Variants in TEAD1 observed in about 807,000 individuals in gnomAD.
TEAD1 encodes TEA domain transcription factor 1, also known as transcriptional enhancer factor TEF-1.
TEAD1 carries 9 observed loss-of-function variants against 54.9 expected under a neutral mutation model. That is an observed-to-expected ratio of 0.16 (90% CI 0.10 to 0.29). TEAD1 has a LOEUF of 0.29. Among genes scored for constraint, TEAD1 ranks in the 10% least tolerant of loss-of-function variants. TEAD1 has a pLI of 1.00. For missense variants in TEAD1, 387 were observed against 535.9 expected (o/e 0.72, Z 2.74); for synonymous variants, 200 against 187.8 (o/e 1.07, Z -0.53).
intron 9 of TEAD1, among the ~76,000 whole-genome samples, chr11:12,885,443 T>A (rs1210415605): frequency 6.6e-6 from 1 of 152,040 alleles, no homozygotes; most frequent in African/African-American, 2.4e-5. Flanking sequence ...TTCACCGTGT[T>A]AGCCAGGGTG....
chr11:12,859,001 CAT>C (rs1189194587), intron 3 of TEAD1, among the ~76,000 whole-genome samples: 1 of 152,142 alleles, frequency 6.6e-6, no homozygotes, highest in African/African-American at 2.4e-5. Context: ...ATAATCTAAA[CAT>C]AGAAAAGACA....
chr11:12,932,280 C>T (rs571466053), intron 12 of TEAD1, among the ~76,000 whole-genome samples: 1 of 152,248 alleles, frequency 6.6e-6, no homozygotes, highest in African/African-American at 2.4e-5. Flanking sequence ...ATAGGTGCTT[C>T]CTGTTGCTAT....
intron 2 of TEAD1, among the ~76,000 whole-genome samples, chr11:12,680,331 C>T (rs1943190940): frequency 1.3e-5 from 2 of 152,244 alleles, no homozygotes; most frequent in Admixed American, 6.5e-5. Context: ...TTAGATGGGC[C>T]TTCCGACTTT....
chr11:12,740,344 ATTATTGCTAGTGTAATG>A (rs1278526250), intron 2 of TEAD1, among the ~76,000 whole-genome samples: 3 of 152,344 alleles, frequency 2.0e-5, no homozygotes, highest in African/African-American at 4.8e-5. Context: ...ACTGTGATTG[ATTATTGCTAGTGTAATG>A]TTATTGCTAG....
At chr11:12,794,307 T>G (rs1458600235) in intron 3 of TEAD1, among the ~76,000 whole-genome samples, 1 of 152,246 alleles carries the variant, frequency 6.6e-6, no homozygotes, top group African/African-American at 2.4e-5. Context: ...CTATCCTCAT[T>G]AGCGTGATAG....
Position 12,944,441 on chromosome 11 carries a change from T to C in TEAD1, c.*7219T>C, listed in dbSNP as rs971721540. The C allele has an allele frequency of 6.6e-6, 1 of 152,208 alleles. No individual in the cohort carries two copies. Among genetic ancestry groups the C allele is most frequent in the African/African-American group, 2.4e-5 (1 of 41,234 alleles). The allele number at this position is 152,208 out of a possible 1,614,324, so 9.4% of individuals were successfully genotyped here. ...TTTAGTATGATAGTTATATGAAAATTATAGGATTTGTGTGCAGAGAATTTT... is the reference window on the plus strand; with the variant it reads ...TTTAGTATGATAGTTATATGAAAATCATAGGATTTGTGTGCAGAGAATTTT... On this transcript the variant is annotated 3_prime_UTR_variant, in exon 13 of 13. Transcript: ENST00000527636.
rs1049080306 is a variant in TEAD1 at position 12,941,021 on chromosome 11, A to G, written c.*3799A>G. The stretch of plus-strand genomic sequence containing the variant: ...CATGTTTAGAGTCACCCAGCTGGTT[A>G]GTGACAGAAAAAGCGTGAGAGTTGT... On this transcript the variant is annotated 3_prime_UTR_variant, in exon 13 of 13. Coordinates refer to ENST00000527636, the MANE Select transcript of TEAD1 (RefSeq NM_021961.6). 1 of 152,218 alleles carries G rather than the reference A, an allele frequency of 6.6e-6. No individual in the cohort carries two copies. Among genetic ancestry groups the G allele is most frequent in the Non-Finnish European group, 1.5e-5 (1 of 68,070 alleles). The allele number at this position is 152,218 out of a possible 1,614,324, so 9.4% of individuals were successfully genotyped here. A position where few individuals can be genotyped will look rare whatever the true frequency, so the allele number is the denominator to read the frequency against.
chr11:12,826,997 G>T (rs948109086), intron 3 of TEAD1, among the ~76,000 whole-genome samples: 6 of 152,194 alleles, frequency 3.9e-5, no homozygotes, highest in African/African-American at 9.6e-5. Flanking sequence ...AAGGGCAATA[G>T]GGAATTCCTC....
intron 3 of TEAD1, among the ~76,000 whole-genome samples, chr11:12,825,139 G>A (rs1380599379): frequency 6.6e-6 from 1 of 152,144 alleles, no homozygotes. Context: ...AGCTTGGGTG[G>A]ACTGCTTCTT....
intron 3 of TEAD1, among the ~76,000 whole-genome samples, chr11:12,846,151 C>T (rs1476093628): frequency 6.6e-6 from 1 of 152,154 alleles, no homozygotes; most frequent in Non-Finnish European, 1.5e-5. Context: ...ATTGAAAATC[C>T]CCAGATGCTG....
intron 3 of TEAD1, among the ~76,000 whole-genome samples, chr11:12,834,736 AC>A (rs1946849980): frequency 1.6e-5 from 1 of 60,728 alleles, no homozygotes. Flanking sequence ...TATTGGGATT[AC>A]AGAGGTTCAC....
chr11:12,930,035 A>T, intron 11 of TEAD1, 139 bp from the exon 12 acceptor site: 1 of 897,718 alleles, frequency 1.1e-6, no homozygotes, highest in Admixed American at 2.4e-5. Context: ...TTTTTTAATT[A>T]AGTAGATTAC....
chr11:12,834,432 GT>G (rs763716044), intron 3 of TEAD1, among the ~76,000 whole-genome samples: 1 of 152,192 alleles, frequency 6.6e-6, no homozygotes, highest in Non-Finnish European at 1.5e-5. Context: ...TTAGATTTGT[GT>G]TTTGAGTGAG....
chr11:12,815,712 A>G (rs1236844763), intron 3 of TEAD1, among the ~76,000 whole-genome samples: 1 of 152,248 alleles, frequency 6.6e-6, no homozygotes, highest in Non-Finnish European at 1.5e-5. Context: ...CATTTGTGAT[A>G]TATGTGTATG....
chr11:12,754,645 A>G (rs563183096), intron 2 of TEAD1, among the ~76,000 whole-genome samples: 1 of 152,158 alleles, frequency 6.6e-6, no homozygotes, highest in Non-Finnish European at 1.5e-5. Flanking sequence ...TTGGATCCTG[A>G]TGTGAGTGCT....
intron 3 of TEAD1, among the ~76,000 whole-genome samples, chr11:12,824,222 A>C (rs550710301): frequency 6.6e-6 from 1 of 152,290 alleles, no homozygotes; most frequent in South Asian, 2.1e-4. Flanking sequence ...GCATAGTATA[A>C]TGGAATATAT....
intron 1 of TEAD1, among the ~76,000 whole-genome samples, chr11:12,675,118 C>T (rs1475832149): frequency 2.0e-5 from 3 of 147,718 alleles, no homozygotes; most frequent in African/African-American, 7.3e-5. Flanking sequence ...CCGCGCCGCG[C>T]CCCCCGCGCG....
At chr11:12,719,592 G>A (rs2133863428) in intron 2 of TEAD1, among the ~76,000 whole-genome samples, 1 of 139,816 alleles carries the variant, frequency 7.2e-6, no homozygotes, top group African/African-American at 2.6e-5. Flanking sequence ...GGGGGGGCGG[G>A]GGGCTGTGTC....
Position 12,883,070 on chromosome 11 carries a change from A to G in TEAD1, c.644A>G (p.Lys215Arg). 6.2e-7 allele frequency: 1 copy of G among 1,614,094 alleles called. No homozygotes were observed. Among genetic ancestry groups the G allele is most frequent in the Non-Finnish European group, 8.5e-7 (1 of 1,180,000 alleles). The change falls in exon 9 of 13, where the codon AAG becomes AGG. Residue 215 changes from lysine (K) to arginine (R), a missense_variant. By Grantham distance (26) the Lys-to-Arg change is conservative (BLOSUM62 2). Around this residue, in one of 5 missense-constraint regions of TEAD1, gnomAD observed 180 missense variants for 180.6 expected, o/e 1.00. Coordinates refer to ENST00000527636, the MANE Select transcript of TEAD1 (RefSeq NM_021961.6). ...CAAGGTCGCTCCATTGGCACAACCAAGCTTCGCCTGGTGGAATTTTCAGCT... is the reference window on the plus strand; with the variant it reads ...CAAGGTCGCTCCATTGGCACAACCAGGCTTCGCCTGGTGGAATTTTCAGCT...
Sources: gnomAD v4.1 joint callset for allele counts (sites outside exome capture counted in the v4.1 genomes callset) on GRCh38, gnomAD v4.1.1 for gene constraint, gnomAD v4.1.1 regional missense constraint, MANE v1.5 for transcripts, NCBI Gene and HGNC (gene_info 2026-07-23, HGNC 2026-07-21) for gene names.